Variants in GALNT10 observed in about 807,000 individuals in gnomAD.
The protein encoded by GALNT10 is GalNAc transferase 10.
Under a neutral mutation model 75.0 loss-of-function variants are expected in GALNT10, and 41 were observed. The observed-to-expected ratio is 0.55, with a 90% CI of 0.43 to 0.71. GALNT10 has a LOEUF of 0.71. Among genes scored for constraint, GALNT10 ranks in the 30% least tolerant of loss-of-function variants. The pLI, the probability that GALNT10 is intolerant of heterozygous loss-of-function variation, is 0.00. For synonymous variants in GALNT10, 302 were observed against 313.0 expected (o/e 0.96, Z 0.37); for missense variants, 727 against 818.5 (o/e 0.89, Z 1.36).
rs577785691 is a variant in GALNT10, at chr5:154,381,350, A to C, written c.938+719A>C. On this transcript the variant is annotated intron_variant, in intron 6 of 11. Transcript: ENST00000297107. ...AGCTCTGTGAGTGGCTAAGACAGAAATAGAGCCCAGCCCCTCTCTGGTGCT... is the reference window on the plus strand; with the variant it reads ...AGCTCTGTGAGTGGCTAAGACAGAACTAGAGCCCAGCCCCTCTCTGGTGCT... Among the ~76,000 whole-genome samples, 7 of 152,232 alleles carry C rather than the reference A, an allele frequency of 4.6e-5. No homozygotes were observed. In the South Asian group the frequency reaches 1.5e-3, roughly 32 times the overall value.
Position 154,219,838 on chromosome 5 carries a change from T to TCTCTCACACA in GALNT10, c.159+28814_159+28815insTCTCACACAC, listed in dbSNP as rs1491445463. ...CTCTCTCTCTCTCTCTCTCTCTCTC[T>TCTCTCACACA]CACACACACACACACACACACACAC... On this transcript the variant is annotated intron_variant, in intron 1 of 11. Coordinates refer to ENST00000297107, the MANE Select transcript of GALNT10 (RefSeq NM_198321.4). Among the ~76,000 whole-genome samples, 304 of 125,664 alleles carry TCTCTCACACA rather than the reference T, an allele frequency of 2.4e-3. 1 individual carries two copies. Among genetic ancestry groups the TCTCTCACACA allele is most frequent in the African/African-American group, 8.4e-3 (293 of 34,826 alleles). The allele number at this position is 125,664 out of a possible 152,430, so 82.4% of individuals were successfully genotyped here.
intron 3 of GALNT10, among the ~76,000 whole-genome samples, chr5:154,315,079 G>C (rs772414950): frequency 4.0e-4 from 57 of 143,772 alleles, no homozygotes; most frequent in Middle Eastern, 7.1e-3. Context: ...TGGTACTTCT[G>C]AAGTTTAGAA....
intron 4 of GALNT10, among the ~76,000 whole-genome samples, chr5:154,371,107 T>C (rs951027404): frequency 2.6e-5 from 4 of 152,342 alleles, no homozygotes; most frequent in Admixed American, 6.5e-5. Flanking sequence ...GAGGATTCCA[T>C]GCCTGTTCCC....
chr5:154,415,687 C>T (rs1756488722), intron 10 of GALNT10, 96 bp from the exon 11 acceptor site: 1 of 1,140,876 alleles, frequency 8.8e-7, no homozygotes, highest in Non-Finnish European at 1.3e-6. Flanking sequence ...ATTATTTGGA[C>T]CTCTGAGTTT....
At chr5:154,266,369 A>G (rs943657343) in intron 1 of GALNT10, among the ~76,000 whole-genome samples, 4 of 152,068 alleles carry the variant, frequency 2.6e-5, no homozygotes, top group African/African-American at 7.2e-5. Context: ...TGATTATTGG[A>G]TGGTAGGATT....
intron 7 of GALNT10, among the ~76,000 whole-genome samples, chr5:154,399,311 C>G (rs925012652): frequency 6.6e-6 from 1 of 152,152 alleles, no homozygotes; most frequent in Non-Finnish European, 1.5e-5. Flanking sequence ...CACCACCCCC[C>G]TAGCCCGTCC....
chr5:154,328,411 G>A (rs1754790089), intron 3 of GALNT10, among the ~76,000 whole-genome samples: 1 of 152,178 alleles, frequency 6.6e-6, no homozygotes, highest in South Asian at 2.1e-4. Flanking sequence ...CCAAACTCAT[G>A]GATAAATCAT....
At chr5:154,401,272 A>C (rs1282150095) in intron 7 of GALNT10, among the ~76,000 whole-genome samples, 3 of 152,220 alleles carry the variant, frequency 2.0e-5, no homozygotes, top group Non-Finnish European at 2.9e-5. Context: ...TAGCTAATGC[A>C]AGTTTAATAT....
chr5:154,352,661 G>A lies in GALNT10; in HGVS notation c.568+22923G>A, dbSNP rs1274948254. Among the ~76,000 whole-genome samples, 1 of 152,158 alleles carries A rather than the reference G, an allele frequency of 6.6e-6. No individual in the cohort carries two copies. On this transcript the variant is annotated intron_variant, in intron 4 of 11. Coordinates refer to ENST00000297107, the MANE Select transcript of GALNT10 (RefSeq NM_198321.4). This position sits in a 1 kb window ranked among gnomAD's most constrained non-coding sequence, Gnocchi z 4.4. ...GTCTTGCCTGTCATTCAGGAAGAGA[G>A]GAATTGGCCTTGGACCTGTCCCTGT...
At chr5:154,328,369 G>A (rs982416795) in intron 3 of GALNT10, among the ~76,000 whole-genome samples, 16 of 152,202 alleles carry the variant, frequency 1.1e-4, no homozygotes, top group Non-Finnish European at 2.1e-4. Context: ...AGAGAGAGGA[G>A]GGGCTGAGCC....
intron 1 of GALNT10, among the ~76,000 whole-genome samples, chr5:154,271,296 G>A (rs1181861905): frequency 4.0e-5 from 6 of 151,806 alleles, no homozygotes; most frequent in Admixed American, 1.3e-4. Context: ...ATAAAACCCC[G>A]TCTCTGCTAA....
At chr5:154,358,771 G>C (rs1034554159) in intron 4 of GALNT10, among the ~76,000 whole-genome samples, 3 of 152,144 alleles carry the variant, frequency 2.0e-5, no homozygotes, top group Non-Finnish European at 4.4e-5. Flanking sequence ...ACGACGCTGA[G>C]GGCCAGGGCA....
chr5:154,398,517 C>T (rs1380427777), intron 7 of GALNT10, among the ~76,000 whole-genome samples: 1 of 152,212 alleles, frequency 6.6e-6, no homozygotes, highest in African/African-American at 2.4e-5. Context: ...TGCCCCACCC[C>T]ACCTGCCCCA....
intron 4 of GALNT10, among the ~76,000 whole-genome samples, chr5:154,342,305 C>T (rs1264957477): frequency 2.6e-5 from 4 of 152,096 alleles, no homozygotes; most frequent in African/African-American, 7.2e-5. Flanking sequence ...GTCTGGTGGC[C>T]GAGAAAAATG....
intron 1 of GALNT10, among the ~76,000 whole-genome samples, chr5:154,271,385 G>A (rs979422934): frequency 3.9e-5 from 6 of 152,170 alleles, no homozygotes; most frequent in Admixed American, 1.3e-4. Context: ...AGAATCGCTT[G>A]AACCCCAGAG....
chr5:154,253,619 T>C (rs182443079), intron 1 of GALNT10, among the ~76,000 whole-genome samples: 13 of 152,166 alleles, frequency 8.5e-5, no homozygotes, highest in Admixed American at 7.9e-4. Flanking sequence ...ACTTTTAAGT[T>C]ATCCATATTT....
chr5:154,191,114 G>T, intron 1 of GALNT10, 89 bp downstream of exon 1: 2 of 900,850 alleles, frequency 2.2e-6, no homozygotes. Context: ...TCTGCTGTCT[G>T]CCTCCTCAGA....
At chr5:154,237,818 A>G (rs1753270265) in intron 1 of GALNT10, among the ~76,000 whole-genome samples, 1 of 152,172 alleles carries the variant, frequency 6.6e-6, no homozygotes, top group Non-Finnish European at 1.5e-5. Flanking sequence ...AAGGATACCT[A>G]CTATTAACAT....
chr5:154,232,721 G>C (rs1032151495), intron 1 of GALNT10, among the ~76,000 whole-genome samples: 2 of 152,178 alleles, frequency 1.3e-5, no homozygotes, highest in Admixed American at 1.3e-4. Flanking sequence ...GCTTGAAGAC[G>C]AGAAAGAGTG....
Sources: gnomAD v4.1 joint callset for allele counts (sites outside exome capture counted in the v4.1 genomes callset) on GRCh38, gnomAD v4.1.1 for gene constraint, Gnocchi (gnomAD v3.1) non-coding constraint, MANE v1.5 for transcripts, NCBI Gene and HGNC (gene_info 2026-07-23, HGNC 2026-07-21) for gene names.